The following KIFC3 variants were observed in gnomAD, a reference collection of about 807,000 sequenced individuals.
KIFC3 encodes the protein kinesin-like protein KIFC3.
A neutral mutation model predicts 101.8 loss-of-function variants in KIFC3; 60 were observed. The ratio of observed to expected loss-of-function variants is 0.59; its 90% CI spans 0.48 to 0.73. The LOEUF is 0.73. Ranked by LOEUF, KIFC3 falls within the 30% of genes least tolerant of loss-of-function variation. The pLI is 0.00. For missense variants in KIFC3, 966 were observed against 1,137.1 expected, an observed-to-expected ratio of 0.85 and a Z score of 2.16; for synonymous variants, 476 against 482.7, an observed-to-expected ratio of 0.99 and a Z score of 0.18.
chr16:57,842,485 G>A (rs1396235866), intron 1 of KIFC3, among the ~76,000 whole-genome samples: 1 of 152,168 alleles, frequency 6.6e-6, no homozygotes, highest in Non-Finnish European at 1.5e-5. Flanking sequence ...CACATCCAAT[G>A]CCAGCCTCAG....
chr16:57,837,925 G>T (rs1409719382), intron 1 of KIFC3, among the ~76,000 whole-genome samples: 1 of 152,156 alleles, frequency 6.6e-6, no homozygotes, highest in Admixed American at 6.6e-5. Context: ...CATACAGATT[G>T]GCCTTGGCAG....
chr16:57,776,446 A>C, intron 3 of KIFC3: 1 of 983,294 alleles, frequency 1.0e-6, no homozygotes, highest in Non-Finnish European at 1.2e-6. Context: ...TCGAATTCTA[A>C]AGCCAGGCTG....
chr16:57,785,689 T>C (rs987110967), intron 3 of KIFC3: 12 of 1,209,900 alleles, frequency 9.9e-6, no homozygotes, highest in Non-Finnish European at 1.2e-5. Flanking sequence ...TAGTGGCTGA[T>C]GAGAGGGCAG....
At chr16:57,798,994 A>C (rs1555624586) in intron 1 of KIFC3, among the ~76,000 whole-genome samples, 1 of 152,204 alleles carries the variant, frequency 6.6e-6, no homozygotes, top group Non-Finnish European at 1.5e-5. Flanking sequence ...ATGAGGCCTG[A>C]AAACTCCCAG....
At chr16:57,833,925 T>C (rs889282008) in intron 1 of KIFC3, among the ~76,000 whole-genome samples, 2 of 138,762 alleles carry the variant, frequency 1.4e-5, no homozygotes, top group African/African-American at 5.3e-5. Flanking sequence ...TGGAGTGCAA[T>C]GGCATGATCT....
At chr16:57,810,593 G>T in intron 1 of KIFC3, 1 of 919,588 alleles carries the variant, frequency 1.1e-6, no homozygotes, top group Non-Finnish European at 1.3e-6. Flanking sequence ...CACCTTCCAA[G>T]GGAGGGGAGG....
chr16:57,821,732 A>T (rs150253548), intron 1 of KIFC3, among the ~76,000 whole-genome samples: 1 of 152,314 alleles, frequency 6.6e-6, no homozygotes, highest in Non-Finnish European at 1.5e-5. Flanking sequence ...CGCTGACCTC[A>T]GAATTCCTGA....
At chr16:57,802,515 G>A, upstream of KIFC3, 1 of 984,540 alleles carries the variant, frequency 1.0e-6, no homozygotes, top group Non-Finnish European at 1.2e-6. This position sits in a 1 kb window ranked among gnomAD's most constrained non-coding sequence, Gnocchi z 5.0. Flanking sequence ...CACAGGAAAT[G>A]ATTAACTCGG....
chr16:57,837,272 A>T (rs1555480517), intron 1 of KIFC3, among the ~76,000 whole-genome samples: 1 of 152,082 alleles, frequency 6.6e-6, no homozygotes. Flanking sequence ...GTTTGAGACC[A>T]GTCTGGGCAA....
At chr16:57,787,458 C>T (rs543258052) in intron 3 of KIFC3, among the ~76,000 whole-genome samples, 25 of 152,288 alleles carry the variant, frequency 1.6e-4, no homozygotes, top group Non-Finnish European at 3.2e-4. Context: ...CTCAGCACCG[C>T]GGCAGGGCAG....
At chr16:57,818,648 C>G (rs951468302) in intron 1 of KIFC3, among the ~76,000 whole-genome samples, 1 of 152,196 alleles carries the variant, frequency 6.6e-6, no homozygotes, top group Non-Finnish European at 1.5e-5. Flanking sequence ...AGGTGTGAAC[C>G]ACCAGCCTGG....
At chr16:57,832,792 C>T (rs1419608023) in intron 1 of KIFC3, among the ~76,000 whole-genome samples, 3 of 152,178 alleles carry the variant, frequency 2.0e-5, no homozygotes, top group African/African-American at 4.8e-5. Flanking sequence ...TCCATCCTCT[C>T]CCATCACCCC....
Position 57,790,890 on chromosome 16 carries a change from A to G in KIFC3, c.315+4109T>C, listed in dbSNP as rs1326540315. 7 of 984,942 alleles carry G rather than the reference A, an allele frequency of 7.1e-6. No homozygotes were observed. In the African/African-American group the frequency reaches 1.0e-4, roughly 15 times the overall value. The allele number at this position is 984,942 out of a possible 1,614,324, so 61.0% of individuals were successfully genotyped here. A position where few individuals can be genotyped will look rare whatever the true frequency, so the allele number is the denominator to read the frequency against. ...CAAAATTCACCCCCTCCCTCTCTCG[A>G]CCCAGAGCTCCACTTGAGAAGGGCG... On this transcript the variant is annotated intron_variant, in intron 3 of 19. Transcript: ENST00000445690.
chr16:57,775,067 G>C, intron 3 of KIFC3: 2 of 1,509,630 alleles, frequency 1.3e-6, no homozygotes, highest in Non-Finnish European at 1.8e-6. Flanking sequence ...GGGGGTGGGA[G>C]GCGGGATACC....
chr16:57,853,194 G>A (rs563413810), intron 1 of KIFC3, among the ~76,000 whole-genome samples: 7 of 152,200 alleles, frequency 4.6e-5, no homozygotes, highest in Admixed American at 6.5e-5. Context: ...TGAGGTGGGC[G>A]GATCACCTGA....
At chr16:57,760,664 T>C in intron 16 of KIFC3, 62 bp downstream of exon 16, 1 of 1,436,180 alleles carries the variant, frequency 7.0e-7, no homozygotes, top group African/African-American at 1.4e-5. Context: ...GGTGACTGGG[T>C]CTCACTGCTA....
chr16:57,798,024 T>G, intron 2 of KIFC3, 48 bp downstream of exon 2: 1 of 1,557,276 alleles, frequency 6.4e-7, no homozygotes, highest in South Asian at 1.2e-5. Flanking sequence ...CTCTGGTATC[T>G]GGAGGAAGGA....
At chr16:57,823,782 TG>T (rs2055403264) in intron 1 of KIFC3, among the ~76,000 whole-genome samples, 1 of 151,148 alleles carries the variant, frequency 6.6e-6, no homozygotes, top group African/African-American at 2.4e-5. Context: ...TGTGTGTGTG[TG>T]TGTGTGTGTG....
At chr16:57,839,821 TA>T in intron 1 of KIFC3, among the ~76,000 whole-genome samples, 1 of 152,186 alleles carries the variant, frequency 6.6e-6, no homozygotes. Context: ...CCCCTGGATC[TA>T]AAATTCCATC....
Sources: allele counts gnomAD v4.1 joint callset (sites outside exome capture counted in the v4.1 genomes callset), GRCh38; gene constraint gnomAD v4.1.1; non-coding constraint Gnocchi (gnomAD v3.1); transcripts MANE v1.5; gene names NCBI Gene and HGNC (gene_info 2026-07-23, HGNC 2026-07-21).